The following CENPP variants were observed in gnomAD, a reference collection of about 807,000 sequenced individuals.
CENPP encodes the protein centromere protein P.
A neutral mutation model predicts 35.6 loss-of-function variants in CENPP; 24 were observed. The ratio of observed to expected loss-of-function variants is 0.67; its 90% CI spans 0.49 to 0.95. CENPP has a LOEUF of 0.95. CENPP is among the 40% of genes least tolerant of loss of function. CENPP has a pLI of 0.00. For synonymous variants in CENPP, 120 were observed against 125.5 expected (o/e 0.96, Z 0.29); for missense variants, 332 against 345.3 (o/e 0.96, Z 0.31).
At chr9:92,513,528 C>T (rs1847492133) in intron 5 of CENPP, among the ~76,000 whole-genome samples, 9 of 152,144 alleles carry the variant, frequency 5.9e-5, no homozygotes, top group Admixed American at 5.9e-4. Flanking sequence ...CATAATCACC[C>T]CAAACTGGAA....
At chr9:92,465,084 TCA>T in intron 5 of CENPP, 2 of 1,211,452 alleles carry the variant, frequency 1.7e-6, no homozygotes, top group Admixed American at 3.7e-5. Context: ...TAAAGGAAAC[TCA>T]CAGTGCAGAG....
At chr9:92,537,044 AT>A (rs112330831) in intron 5 of CENPP, among the ~76,000 whole-genome samples, 77 of 142,316 alleles carry the variant, frequency 5.4e-4, no homozygotes, top group Admixed American at 6.3e-4. Flanking sequence ...TAATTTTTGT[AT>A]TTTTTTTTTT....
At chr9:92,460,928 C>A (rs1038297618) in intron 5 of CENPP, among the ~76,000 whole-genome samples, 1 of 152,166 alleles carries the variant, frequency 6.6e-6, no homozygotes, top group Non-Finnish European at 1.5e-5. Flanking sequence ...ATCCACCCCC[C>A]TCGGCCTCCT....
intron 4 of CENPP, among the ~76,000 whole-genome samples, chr9:92,349,645 G>T (rs181063959): frequency 6.6e-6 from 1 of 151,824 alleles, no homozygotes; most frequent in Admixed American, 6.6e-5. Context: ...CTAGTGATCC[G>T]CCCACCTCAG....
At chr9:92,354,324 G>A (rs1272278838) in intron 4 of CENPP, among the ~76,000 whole-genome samples, 1 of 152,154 alleles carries the variant, frequency 6.6e-6, no homozygotes, top group Non-Finnish European at 1.5e-5. Context: ...GCCATATCGG[G>A]GGTCAGTGTT....
intron 5 of CENPP, among the ~76,000 whole-genome samples, chr9:92,530,569 A>G (rs902285713): frequency 2.0e-5 from 3 of 152,198 alleles, no homozygotes; most frequent in African/African-American, 7.2e-5. Flanking sequence ...TGTCCTAATG[A>G]TTGTAGGTAT....
intron 5 of CENPP, among the ~76,000 whole-genome samples, chr9:92,512,926 G>T (rs953053484): frequency 3.9e-5 from 6 of 152,164 alleles, no homozygotes; most frequent in Non-Finnish European, 5.9e-5. Flanking sequence ...ACTTTCCTGA[G>T]CATGAGAGGA....
At chr9:92,417,809 C>T (rs1843664577) in intron 5 of CENPP, among the ~76,000 whole-genome samples, 1 of 152,148 alleles carries the variant, frequency 6.6e-6, no homozygotes, top group Admixed American at 6.5e-5. Context: ...ACTTCTGCCT[C>T]CCAGGCTCCC....
intron 5 of CENPP, among the ~76,000 whole-genome samples, chr9:92,392,432 G>A (rs1047391312): frequency 1.3e-5 from 2 of 152,080 alleles, no homozygotes; most frequent in African/African-American, 4.8e-5. Context: ...GACCAGCCTG[G>A]CCAACATGGT....
At position 92,474,982 on chromosome 9, in the gene CENPP, T is replaced by C. The variant is rs1377351999; in HGVS notation, c.564+95123T>C. On this transcript the variant is annotated intron_variant, in intron 5 of 7. Coordinates refer to ENST00000375587, the MANE Select transcript of CENPP (RefSeq NM_001012267.3). ...TGGATATAATTCCTGCATATATACATTTCTCAGTTCTGGCAAGAGTGCAAT... is the reference window on the plus strand; with the variant it reads ...TGGATATAATTCCTGCATATATACACTTCTCAGTTCTGGCAAGAGTGCAAT... 2.1e-6 allele frequency: 3 copies of C among 1,437,912 alleles called. No homozygotes were observed. In the African/African-American group the frequency reaches 4.4e-5, roughly 21 times the overall value. 89.1% of individuals were successfully genotyped at this position (1,437,912 alleles called of 1,614,324 possible).
In CENPP at chr9:92,618,273, T is replaced by C. The variant is rs964406764; in HGVS notation, c.*5124T>C. The C allele has an allele frequency of 8.8e-6, 4 of 456,600 alleles. No homozygotes were observed. The highest frequency in any genetic ancestry group is 8.0e-5 in the African/African-American group (4 of 50,070). The allele number at this position is 456,600 out of a possible 1,614,324, so 28.3% of individuals were successfully genotyped here. On this transcript the variant is annotated 3_prime_UTR_variant, in exon 8 of 8. Coordinates refer to ENST00000375587, the MANE Select transcript of CENPP (RefSeq NM_001012267.3). ...TACACCCTAGGTCTGAGAAGCCACA[T>C]GGCTCAGTGCCTTCAGGACATGCCC...
chr9:92,438,728 G>T (rs1844307453), intron 5 of CENPP, among the ~76,000 whole-genome samples: 1 of 152,222 alleles, frequency 6.6e-6, no homozygotes, highest in African/African-American at 2.4e-5. Context: ...CAAGGCAGGT[G>T]GATCACTTGA....
intron 5 of CENPP, among the ~76,000 whole-genome samples, chr9:92,573,810 C>T (rs1165053791): frequency 6.6e-6 from 1 of 152,206 alleles, no homozygotes; most frequent in Non-Finnish European, 1.5e-5. Context: ...GGATGCCTGT[C>T]CCCCAGCCTC....
At chr9:92,576,634 C>T (rs1376769959) in intron 5 of CENPP, among the ~76,000 whole-genome samples, 1 of 151,866 alleles carries the variant, frequency 6.6e-6, no homozygotes, top group Non-Finnish European at 1.5e-5. Flanking sequence ...GCATACAATG[C>T]ATTAAGATTT....
At chr9:92,339,242 T>G (rs528028009) in intron 3 of CENPP, among the ~76,000 whole-genome samples, 2 of 152,320 alleles carry the variant, frequency 1.3e-5, no homozygotes, top group African/African-American at 4.8e-5. Flanking sequence ...CCAGGATTCC[T>G]TATCCTTTTC....
intron 5 of CENPP, among the ~76,000 whole-genome samples, chr9:92,508,237 C>A (rs1310090766): frequency 1.3e-5 from 2 of 152,238 alleles, no homozygotes; most frequent in Admixed American, 1.3e-4. Flanking sequence ...ACTCAGCCCA[C>A]CCAGGGAGTG....
chr9:92,471,944 G>A (rs142526348), intron 5 of CENPP, among the ~76,000 whole-genome samples: 2 of 152,264 alleles, frequency 1.3e-5, no homozygotes, highest in African/African-American at 4.8e-5. Context: ...TGATAGAACC[G>A]TCCTCACTCC....
chr9:92,401,862 T>C (rs763368040), intron 5 of CENPP, among the ~76,000 whole-genome samples: 3 of 152,192 alleles, frequency 2.0e-5, no homozygotes, highest in Non-Finnish European at 2.9e-5. Context: ...TATTATGTGG[T>C]GTCCTATTCT....
intron 5 of CENPP, among the ~76,000 whole-genome samples, chr9:92,551,474 A>T (rs75903014): frequency 0.011 from 1,729 of 152,210 alleles, 27 homozygotes; most frequent in African/African-American, 0.038. Flanking sequence ...AATGTCTGGG[A>T]CTACGGGCAC....
Sources: gnomAD v4.1 joint callset for allele counts (sites outside exome capture counted in the v4.1 genomes callset) on GRCh38, gnomAD v4.1.1 for gene constraint, MANE v1.5 for transcripts, NCBI Gene and HGNC (gene_info 2026-07-23, HGNC 2026-07-21) for gene names.